The following DPP10 variants were observed in gnomAD, a reference collection of about 807,000 sequenced individuals.
DPP10 encodes the protein dipeptidyl peptidase like 10.
In DPP10, 33 loss-of-function variants were observed where a neutral mutation model predicts 120.9. That is an observed-to-expected ratio of 0.27 (90% CI 0.21 to 0.37). The LOEUF (loss-of-function observed/expected upper bound fraction) is 0.37, where lower values mean the gene tolerates loss of function less well. DPP10 is among the 10% of genes least tolerant of loss of function. The probability of loss-of-function intolerance (pLI) is 1.00; values close to 1 mark genes in which losing one functional copy is unlikely to be tolerated. For synonymous variants in DPP10, 337 were observed against 326.1 expected (o/e 1.03, Z -0.36); for missense variants, 816 against 942.8 (o/e 0.87, Z 1.76).
At chr2:115,652,103 G>A (rs1186037922) in intron 5 of DPP10, among the ~76,000 whole-genome samples, 2 of 151,970 alleles carry the variant, frequency 1.3e-5, no homozygotes, top group Non-Finnish European at 2.9e-5. Flanking sequence ...ATATAGAGGT[G>A]AATAACAAAA....
chr2:114,754,823 C>A (rs1679579830), intron 1 of DPP10, among the ~76,000 whole-genome samples: 1 of 152,090 alleles, frequency 6.6e-6, no homozygotes, highest in Non-Finnish European at 1.5e-5. Flanking sequence ...AGATAAGCAC[C>A]AAACCTGCAT....
At chr2:114,839,516 G>A (rs1220295310) in intron 1 of DPP10, among the ~76,000 whole-genome samples, 1 of 152,092 alleles carries the variant, frequency 6.6e-6, no homozygotes, top group Non-Finnish European at 1.5e-5. Flanking sequence ...ATAGAACCAT[G>A]AAGAAAATAA....
chr2:114,881,498 C>CTATCATA (rs1553447207), intron 1 of DPP10, among the ~76,000 whole-genome samples: 1 of 149,010 alleles, frequency 6.7e-6, no homozygotes, highest in Non-Finnish European at 1.5e-5. Context: ...TATCATATCT[C>CTATCATA]TCTGTCTGTC....
chr2:115,078,701 A>G (rs2104480427), intron 1 of DPP10, among the ~76,000 whole-genome samples: 1 of 152,352 alleles, frequency 6.6e-6, no homozygotes, highest in African/African-American at 2.4e-5. Context: ...AGTTTGCAAT[A>G]TACAACACGG....
In DPP10 at chr2:114,831,857, A is replaced by AT. The variant is rs1553437259; in HGVS notation, c.60+389019_60+389020insT. ...TCTTTCTCTCTCTTTAATTAAAAAAAATATATATATATATAATATATATGT... is the reference window on the plus strand; with the variant it reads ...TCTTTCTCTCTCTTTAATTAAAAAAATATATATATATATATAATATATATGT... On this transcript the variant is annotated intron_variant, in intron 1 of 25. Transcript: ENST00000410059. 4.1e-3 allele frequency among the ~76,000 whole-genome samples: 601 copies of AT among 146,096 alleles called. 2 individuals carry two copies. Among genetic ancestry groups the AT allele is most frequent in the African/African-American group, 9.5e-3 (384 of 40,322 alleles).
intron 3 of DPP10, among the ~76,000 whole-genome samples, chr2:115,443,330 G>A (rs144406281): frequency 1.4e-3 from 211 of 152,276 alleles, no homozygotes; most frequent in African/African-American, 4.8e-3. Flanking sequence ...TAATTAGCAA[G>A]TATTTTGTCA....
intron 1 of DPP10, among the ~76,000 whole-genome samples, chr2:115,014,123 A>G (rs1444118442): frequency 6.6e-6 from 1 of 152,218 alleles, no homozygotes; most frequent in Admixed American, 6.5e-5. Flanking sequence ...ATGCAGAAGA[A>G]TGGAAATCAT....
chr2:115,384,396 AAGAAGG>A (rs1559521024), intron 3 of DPP10, among the ~76,000 whole-genome samples: 1 of 128,848 alleles, frequency 7.8e-6, no homozygotes, highest in Admixed American at 8.0e-5. Context: ...GCAGAAGCAG[AAGAAGG>A]AGAAGGAGAA....
intron 1 of DPP10, chr2:115,162,012 C>T: frequency 7.2e-7 from 1 of 1,384,986 alleles, no homozygotes; most frequent in East Asian, 3.1e-5. Flanking sequence ...GCGAGCCAGG[C>T]GCAGCCGGCG....
intron 1 of DPP10, among the ~76,000 whole-genome samples, chr2:115,241,541 A>T (rs2058281237): frequency 6.6e-6 from 1 of 152,206 alleles, no homozygotes; most frequent in Non-Finnish European, 1.5e-5. Context: ...GATTCACAAT[A>T]AATCAGTAAT....
chr2:114,950,907 CA>C (rs1409466827), intron 1 of DPP10, among the ~76,000 whole-genome samples: 1 of 152,138 alleles, frequency 6.6e-6, no homozygotes, highest in African/African-American at 2.4e-5. Flanking sequence ...GTTGGCCTAA[CA>C]TTTACATTTA....
At chr2:114,523,878 A>G (rs1230276742) in intron 1 of DPP10, among the ~76,000 whole-genome samples, 3 of 152,190 alleles carry the variant, frequency 2.0e-5, no homozygotes, top group Non-Finnish European at 4.4e-5. Flanking sequence ...AAGAGATGGC[A>G]TGTCTCAAAT....
At chr2:114,500,684 CA>C (rs1683078182) in intron 1 of DPP10, among the ~76,000 whole-genome samples, 2 of 151,640 alleles carry the variant, frequency 1.3e-5, no homozygotes, top group Non-Finnish European at 2.9e-5. Context: ...CAAAACAAAA[CA>C]AAAAAGCCAG....
At chr2:115,797,918 C>G (rs958563227) in intron 19 of DPP10, among the ~76,000 whole-genome samples, 13 of 150,242 alleles carry the variant, frequency 8.7e-5, no homozygotes, top group Non-Finnish European at 1.6e-4. Context: ...TTTATTTTAA[C>G]TGGAATATAT....
intron 1 of DPP10, among the ~76,000 whole-genome samples, chr2:115,078,286 A>G (rs1459511399): frequency 6.6e-6 from 1 of 152,248 alleles, no homozygotes; most frequent in Admixed American, 6.5e-5. Flanking sequence ...TTAACTCCAT[A>G]TTACATGAAA....
intron 3 of DPP10, among the ~76,000 whole-genome samples, chr2:115,415,720 T>C (rs920527797): frequency 6.6e-6 from 1 of 151,588 alleles, no homozygotes; most frequent in Admixed American, 6.6e-5. Context: ...AGGACATATA[T>C]GCATGCCTGC....
At chr2:115,237,128 C>T (rs2058044367) in intron 1 of DPP10, among the ~76,000 whole-genome samples, 1 of 150,724 alleles carries the variant, frequency 6.6e-6, no homozygotes, top group Admixed American at 6.6e-5. Flanking sequence ...GCTTTGCAGA[C>T]AATGCATTTT....
At chr2:115,055,448 G>T (rs1468226811) in intron 1 of DPP10, among the ~76,000 whole-genome samples, 6 of 151,882 alleles carry the variant, frequency 4.0e-5, no homozygotes, top group African/African-American at 1.2e-4. Context: ...ATTTCACTTT[G>T]TTTGAAAAAG....
At chr2:115,177,419 G>A (rs554684170) in intron 1 of DPP10, among the ~76,000 whole-genome samples, 3 of 151,988 alleles carry the variant, frequency 2.0e-5, no homozygotes, top group Non-Finnish European at 4.4e-5. Flanking sequence ...TTCGGCAGTC[G>A]GTGCTAACGG....
Sources: gnomAD v4.1 joint callset for allele counts (sites outside exome capture counted in the v4.1 genomes callset) on GRCh38, gnomAD v4.1.1 for gene constraint, MANE v1.5 for transcripts, NCBI Gene and HGNC (gene_info 2026-07-23, HGNC 2026-07-21) for gene names.